The following TJP1 variants were observed in gnomAD, a reference collection of about 807,000 sequenced individuals.
TJP1 encodes the protein tight junction protein ZO-1.
In TJP1, 43 loss-of-function variants were observed where a neutral mutation model predicts 194.2. That is an observed-to-expected ratio of 0.22 (90% CI 0.17 to 0.29). The LOEUF (loss-of-function observed/expected upper bound fraction) is 0.29. Ranked by LOEUF, TJP1 falls within the 10% of genes least tolerant of loss-of-function variation. The pLI is 1.00. For missense variants in TJP1, 1,971 were observed against 2,185.7 expected, an observed-to-expected ratio of 0.90 and a Z score of 1.96; for synonymous variants, 801 against 779.0, an observed-to-expected ratio of 1.03 and a Z score of -0.47.
At chr15:29,859,111 G>A (rs1952037314) in intron 2 of TJP1, among the ~76,000 whole-genome samples, 1 of 152,130 alleles carries the variant, frequency 6.6e-6, no homozygotes, top group Admixed American at 6.6e-5. Flanking sequence ...GCATTAACAT[G>A]CTATTTGTAA....
chr15:29,744,428 G>C (rs1275655196), intron 8 of TJP1, among the ~76,000 whole-genome samples: 1 of 152,080 alleles, frequency 6.6e-6, no homozygotes, highest in Non-Finnish European at 1.5e-5. Context: ...TCTAGTATCA[G>C]TTTTAGTGGC....
At chr15:29,752,114 TTC>T (rs1491271347) in intron 8 of TJP1, among the ~76,000 whole-genome samples, 15 of 149,006 alleles carry the variant, frequency 1.0e-4, no homozygotes, top group East Asian at 7.9e-4. Context: ...TTTTTTTTTT[TTC>T]CCCCCAGACG....
At chr15:29,955,823 C>T (rs971059563) in intron 2 of TJP1, among the ~76,000 whole-genome samples, 11 of 146,388 alleles carry the variant, frequency 7.5e-5, no homozygotes, top group East Asian at 2.1e-4. Context: ...AATTGGGATC[C>T]GTACTAATAA....
intron 2 of TJP1, among the ~76,000 whole-genome samples, chr15:29,828,257 T>C (rs1039275891): frequency 6.6e-6 from 1 of 152,206 alleles, no homozygotes; most frequent in Non-Finnish European, 1.5e-5. Flanking sequence ...AACTTTTTAA[T>C]GTAATATTTC....
At chr15:29,923,589 T>A (rs1000147071) in intron 2 of TJP1, among the ~76,000 whole-genome samples, 2 of 152,172 alleles carry the variant, frequency 1.3e-5, no homozygotes, top group African/African-American at 4.8e-5. Context: ...TCTATTTACA[T>A]GGAATATCCC....
chr15:29,771,623 G>A (rs1411814341), intron 4 of TJP1, among the ~76,000 whole-genome samples: 1 of 151,996 alleles, frequency 6.6e-6, no homozygotes, highest in Non-Finnish European at 1.5e-5. Flanking sequence ...GGCTAACACG[G>A]TGAAACCCTG....
intron 8 of TJP1, among the ~76,000 whole-genome samples, chr15:29,745,930 G>A (rs183605568): frequency 2.6e-5 from 4 of 152,286 alleles, no homozygotes; most frequent in African/African-American, 9.6e-5. Flanking sequence ...TCTGGAGAAT[G>A]GCTTAATTCA....
At chr15:29,878,900 G>A (rs1445770152) in intron 2 of TJP1, among the ~76,000 whole-genome samples, 2 of 152,048 alleles carry the variant, frequency 1.3e-5, no homozygotes, top group Non-Finnish European at 2.9e-5. Context: ...TGAGGCGGGT[G>A]GATCACGAGG....
At chr15:29,832,518 A>G (rs2050868461) in intron 2 of TJP1, among the ~76,000 whole-genome samples, 1 of 152,244 alleles carries the variant, frequency 6.6e-6, no homozygotes, top group Non-Finnish European at 1.5e-5. Context: ...ATAAACCTAT[A>G]GAAGTACTAT....
intron 1 of TJP1, among the ~76,000 whole-genome samples, chr15:29,817,210 G>A (rs953010547): frequency 3.4e-4 from 51 of 151,966 alleles, no homozygotes; most frequent in African/African-American, 1.2e-3. Flanking sequence ...GTATTTATGC[G>A]GCCAACAAAC....
intron 20 of TJP1, 120 bp from the exon 21 acceptor site, chr15:29,719,258 TATTA>T: frequency 7.4e-6 from 9 of 1,219,038 alleles, no homozygotes; most frequent in Middle Eastern, 2.8e-4. Flanking sequence ...TTTTACCATT[TATTA>T]TCAGGATAGA....
Position 29,741,456 on chromosome 15 carries a change from G to C in TJP1, c.1151-20C>G. The C allele has an allele frequency of 1.3e-6, 2 of 1,528,278 alleles. No homozygotes were observed. Among genetic ancestry groups the C allele is most frequent in the Non-Finnish European group, 1.8e-6 (2 of 1,106,736 alleles). The allele number at this position is 1,528,278 out of a possible 1,614,324, so 94.7% of individuals were successfully genotyped here. A position where few individuals can be genotyped will look rare whatever the true frequency, so the allele number is the denominator to read the frequency against. ...TTGGTTCTAAGAAAAAAAAAATTGA[G>C]TAGGACTCACTTTAGAAAAACATGG... On this transcript the variant is annotated intron_variant, in intron 9 of 27. Transcript: ENST00000614355.
chr15:29,705,405 C>T (rs2041828722), intron 26 of TJP1, 123 bp downstream of exon 26: 4 of 1,041,032 alleles, frequency 3.8e-6, no homozygotes, highest in African/African-American at 1.6e-5. Flanking sequence ...GGGCACCCCT[C>T]GCTACAGCAC....
chr15:29,932,840 A>G (rs2054763488), intron 2 of TJP1, among the ~76,000 whole-genome samples: 2 of 152,164 alleles, frequency 1.3e-5, no homozygotes, highest in South Asian at 4.1e-4. Context: ...GCTCACTGAA[A>G]ATATTCTTTT....
intron 8 of TJP1, among the ~76,000 whole-genome samples, chr15:29,745,348 T>G (rs2044699885): frequency 6.8e-6 from 1 of 146,742 alleles, no homozygotes; most frequent in Admixed American, 6.8e-5. Context: ...ACTGAAAAAT[T>G]TCCTGAATTA....
Position 29,822,400 on chromosome 15 carries a change from C to T in TJP1, c.-372G>A, listed in dbSNP as rs1039093400. ...AAGCCGGCTTCGCCACGTAACTTCC[C>T]GGGAACCGGCGGCCGCCAAGGAACG... On this transcript the variant is annotated 5_prime_UTR_variant, in exon 1 of 28. Transcript: ENST00000614355. The T allele has an allele frequency of 2.0e-6, 2 of 998,942 alleles. No homozygotes were observed. The highest frequency in any genetic ancestry group is 2.4e-6 in the Non-Finnish European group (2 of 838,810). The allele number at this position is 998,942 out of a possible 1,614,324, so 61.9% of individuals were successfully genotyped here.
chr15:29,852,975 T>C (rs1018787692), intron 2 of TJP1, among the ~76,000 whole-genome samples: 1 of 152,022 alleles, frequency 6.6e-6, no homozygotes, highest in Non-Finnish European at 1.5e-5. Context: ...AGCTTAATTA[T>C]AATATCCCCA....
At chr15:29,932,653 A>T (rs1357285683) in intron 2 of TJP1, among the ~76,000 whole-genome samples, 2 of 152,206 alleles carry the variant, frequency 1.3e-5, no homozygotes, top group Non-Finnish European at 2.9e-5. Context: ...GAGAAGCAGA[A>T]AATAAAAGGT....
chr15:29,854,423 C>T (rs553140852), intron 2 of TJP1, among the ~76,000 whole-genome samples: 5 of 152,116 alleles, frequency 3.3e-5, no homozygotes, highest in African/African-American at 9.6e-5. Context: ...TGATAAATGT[C>T]CTTATAAGAG....
Sources: gnomAD v4.1 joint callset for allele counts (sites outside exome capture counted in the v4.1 genomes callset) on GRCh38, gnomAD v4.1.1 for gene constraint, MANE v1.5 for transcripts, NCBI Gene and HGNC (gene_info 2026-07-23, HGNC 2026-07-21) for gene names.